RP1: variants seen among roughly 807,000 people sequenced by gnomAD.
RP1 encodes RP1 axonemal microtubule associated.
RP1 carries 16 observed loss-of-function variants against 14.8 expected under a neutral mutation model. The ratio of observed to expected loss-of-function variants is 1.08; its 90% CI spans 0.73 to 1.65. The LOEUF (loss-of-function observed/expected upper bound fraction) is 1.65, where lower values mean the gene tolerates loss of function less well. Ranked by LOEUF, RP1 falls within the 40% of genes most tolerant of loss-of-function variation. The pLI is 0.00. For synonymous variants in RP1, 876 were observed against 883.6 expected, an observed-to-expected ratio of 0.99 and a Z score of 0.15; for missense variants, 2,631 against 2,535.0, an observed-to-expected ratio of 1.04 and a Z score of -0.81.
chr8:54,566,496 C>T (rs1804411237), intron 1 of RP1, among the ~76,000 whole-genome samples: 1 of 152,190 alleles, frequency 6.6e-6, no homozygotes, highest in African/African-American at 2.4e-5. Context: ...CAGGGTAAAG[C>T]CCCGCCCCTC....
intron 19 of RP1, among the ~76,000 whole-genome samples, chr8:54,744,122 T>C (rs1809165276): frequency 6.6e-6 from 1 of 152,160 alleles, no homozygotes. Flanking sequence ...TAACATTCTA[T>C]GAAAGGAATA....
intron 1 of RP1, among the ~76,000 whole-genome samples, chr8:54,601,778 A>G (rs1211432207): frequency 6.6e-6 from 1 of 152,204 alleles, no homozygotes; most frequent in East Asian, 1.9e-4. Context: ...AATATATGCT[A>G]CTACATGGAT....
intron 22 of RP1, among the ~76,000 whole-genome samples, chr8:54,761,638 T>G (rs1809643412): frequency 6.6e-6 from 1 of 152,148 alleles, no homozygotes; most frequent in Non-Finnish European, 1.5e-5. Flanking sequence ...ATGGGTTGTA[T>G]CTGAAAGAAT....
intron 19 of RP1, among the ~76,000 whole-genome samples, chr8:54,747,056 C>A (rs1809242279): frequency 6.6e-6 from 1 of 152,156 alleles, no homozygotes; most frequent in Admixed American, 6.5e-5. Flanking sequence ...ATTGCTGAAA[C>A]ATACCTCAAT....
intron 22 of RP1, among the ~76,000 whole-genome samples, chr8:54,763,235 C>T: frequency 6.6e-6 from 1 of 152,282 alleles, no homozygotes; most frequent in South Asian, 2.1e-4. Context: ...AAGTTAGCAT[C>T]TATCTTTTAA....
chr8:54,808,940 C>A (rs1255737121), intron 24 of RP1, among the ~76,000 whole-genome samples: 1 of 152,174 alleles, frequency 6.6e-6, no homozygotes, highest in Non-Finnish European at 1.5e-5. Context: ...TGTCCTATAG[C>A]ATAAACAATT....
chr8:54,859,530 T>TTGTCACTGTAGAGCAG (rs1812291854), intron 27 of RP1, among the ~76,000 whole-genome samples: 1 of 148,872 alleles, frequency 6.7e-6, no homozygotes, highest in Non-Finnish European at 1.5e-5. Context: ...CTGTAGGGCA[T>TTGTCACTGTAGAGCAG]TGTCACTGTA....
chr8:54,613,888 A>G (rs1304785673), upstream of RP1, among the ~76,000 whole-genome samples: 1 of 152,228 alleles, frequency 6.6e-6, no homozygotes. Flanking sequence ...TCAGATCACA[A>G]TTTTTGAGGC....
chr8:54,700,211 A>T (rs1403586429), intron 13 of RP1, among the ~76,000 whole-genome samples: 1 of 144,932 alleles, frequency 6.9e-6, no homozygotes, highest in Non-Finnish European at 1.5e-5. Flanking sequence ...CTATACAATA[A>T]TTTTTTTTTT....
chr8:54,623,326 C>G (rs1269756867), intron 3 of RP1, among the ~76,000 whole-genome samples: 1 of 151,864 alleles, frequency 6.6e-6, no homozygotes, highest in Non-Finnish European at 1.5e-5. Flanking sequence ...AAGTTTTCTT[C>G]AAAAATTTGA....
chr8:54,627,016 C>A lies in RP1; in HGVS notation c.3134C>A (p.Ser1045Ter). 6.2e-7 allele frequency: 1 copy of A among 1,613,920 alleles called. No homozygotes were observed. Among genetic ancestry groups the A allele is most frequent in the Non-Finnish European group, 8.5e-7 (1 of 1,179,942 alleles). ...NTKSHIAAEK[S>*]GPEKKLVYQE... is the part of the protein sequence containing the mutation. ...AAAAGTCATATAGCTGCTGAAAAATCAGGACCAGAGAAAAAACTTGTTTAC... is the reference window on the plus strand; with the variant it reads ...AAAAGTCATATAGCTGCTGAAAAATAAGGACCAGAGAAAAAACTTGTTTAC... Residue 1045 changes from serine (S) to a stop codon, truncating the protein, a stop_gained, in exon 4 of 4, where the codon TCA becomes TAA. Transcript: ENST00000220676. LOFTEE classifies it low-confidence loss of function (END_TRUNC).
intron 1 of RP1, among the ~76,000 whole-genome samples, chr8:54,583,870 G>A (rs1269188738): frequency 6.6e-6 from 1 of 151,918 alleles, no homozygotes; most frequent in South Asian, 2.1e-4. Flanking sequence ...TTTTTATTAC[G>A]TCTATTTGAT....
At chr8:54,600,583 C>A (rs1805251864) in intron 1 of RP1, among the ~76,000 whole-genome samples, 3 of 152,114 alleles carry the variant, frequency 2.0e-5, no homozygotes, top group African/African-American at 7.2e-5. Flanking sequence ...CTTGGTTCCC[C>A]ACTTGGCCTT....
intron 24 of RP1, among the ~76,000 whole-genome samples, chr8:54,827,924 T>C (rs987548472): frequency 6.6e-6 from 1 of 152,126 alleles, no homozygotes; most frequent in Non-Finnish European, 1.5e-5. Flanking sequence ...AATTATTTTT[T>C]TCTACTTTTT....
chr8:54,633,230 T>C (rs902049840), downstream of RP1, among the ~76,000 whole-genome samples: 7 of 151,938 alleles, frequency 4.6e-5, no homozygotes, highest in Non-Finnish European at 8.8e-5. Context: ...GGAGCAGAAG[T>C]TCAAAAGTAG....
At chr8:54,651,407 T>C (rs75536079) in intron 4 of RP1, among the ~76,000 whole-genome samples, 1 of 152,138 alleles carries the variant, frequency 6.6e-6, no homozygotes, top group Non-Finnish European at 1.5e-5. Flanking sequence ...GGTTTTTTTT[T>C]CTTGGGAGGT....
intron 23 of RP1, among the ~76,000 whole-genome samples, chr8:54,781,856 A>G (rs745826232): frequency 6.6e-6 from 1 of 152,154 alleles, no homozygotes; most frequent in Non-Finnish European, 1.5e-5. Context: ...TCATCGTGAC[A>G]TGCTAATTCC....
intron 22 of RP1, among the ~76,000 whole-genome samples, chr8:54,764,316 G>C (rs1439861993): frequency 1.3e-5 from 2 of 152,320 alleles, no homozygotes; most frequent in African/African-American, 4.8e-5. Context: ...CTCCTCACTG[G>C]CCTTCACTGT....
chr8:54,763,605 A>T (rs1809695556), intron 22 of RP1, among the ~76,000 whole-genome samples: 1 of 152,146 alleles, frequency 6.6e-6, no homozygotes, highest in Middle Eastern at 3.2e-3. Flanking sequence ...GCTTGAACCC[A>T]GGAGGCGGAG....
Sources: allele counts gnomAD v4.1 joint callset (sites outside exome capture counted in the v4.1 genomes callset), GRCh38; gene constraint gnomAD v4.1.1; transcripts MANE v1.5; gene names NCBI Gene and HGNC (gene_info 2026-07-23, HGNC 2026-07-21).